The following TJAP1 variants were observed in gnomAD, a reference collection of about 807,000 sequenced individuals.
TJAP1 encodes tight junction associated protein 1.
In TJAP1, 27 loss-of-function variants were observed where a neutral mutation model predicts 42.0. The ratio of observed to expected loss-of-function variants is 0.64; its 90% CI spans 0.47 to 0.89. The LOEUF (loss-of-function observed/expected upper bound fraction) is 0.89, where lower values mean the gene tolerates loss of function less well. TJAP1 is among the 40% of genes least tolerant of loss of function. TJAP1 has a pLI of 0.00. For synonymous variants in TJAP1, 257 were observed against 288.4 expected (o/e 0.89, Z 1.10); for missense variants, 712 against 726.9 (o/e 0.98, Z 0.24).
At chr6:43,503,380 A>T (rs1157470528) in intron 8 of TJAP1, 21 bp from the exon 9 acceptor site, 2 of 1,598,578 alleles carry the variant, frequency 1.3e-6, no homozygotes, top group Non-Finnish European at 1.7e-6. Flanking sequence ...GGGCTGGGTT[A>T]ACCTCAAGTC....
At chr6:43,481,101 C>G (rs1361583431) in intron 2 of TJAP1, among the ~76,000 whole-genome samples, 1 of 152,004 alleles carries the variant, frequency 6.6e-6, no homozygotes, top group African/African-American at 2.4e-5. Context: ...AAATGTATAT[C>G]CATATTGTAG....
chr6:43,486,235 G>A (rs1397087932), intron 2 of TJAP1, among the ~76,000 whole-genome samples: 1 of 151,912 alleles, frequency 6.6e-6, no homozygotes, highest in African/African-American at 2.4e-5. Context: ...AAAGTGCAGG[G>A]ATTACAGACG....
intron 2 of TJAP1, among the ~76,000 whole-genome samples, chr6:43,487,378 A>G (rs1177259721): frequency 6.6e-6 from 1 of 152,184 alleles, no homozygotes; most frequent in Non-Finnish European, 1.5e-5. Flanking sequence ...CAGGTAGCCC[A>G]AGTAGGGAAC....
chr6:43,481,584 A>G (rs1168861264), intron 2 of TJAP1, among the ~76,000 whole-genome samples: 2 of 150,962 alleles, frequency 1.3e-5, no homozygotes, highest in East Asian at 3.9e-4. Flanking sequence ...CAAACTACAC[A>G]GAAAAAAAAA....
rs1562254398 is a variant in TJAP1 at position 43,491,900 on chromosome 6, GCTGGAGGC to G, written c.-121-5980_-121-5973del. The stretch of plus-strand genomic sequence containing the variant: ...GGGACCCCAAATGGGGAGTTAACAA[GCTGGAGGC>G]TTTCTTGACTTGGCTCTGACCAGGA... On this transcript the variant is annotated intron_variant, in intron 2 of 10. Transcript: ENST00000372449. This position sits in a 1 kb window ranked among gnomAD's most constrained non-coding sequence, Gnocchi z 4.6. Among the ~76,000 whole-genome samples the G allele has an allele frequency of 1.3e-5, 2 of 152,202 alleles. No individual in the cohort carries two copies. The highest frequency in any genetic ancestry group is 2.9e-5 in the Non-Finnish European group (2 of 68,030).
chr6:43,497,972 CA>C (rs1789591787), exon 3 of TJAP1: 1 of 152,260 alleles, frequency 6.6e-6, no homozygotes, highest in Non-Finnish European at 1.5e-5. Flanking sequence ...TGCCGACAAA[CA>C]GACGGTATGT....
chr6:43,488,028 C>G (rs1363267369), intron 2 of TJAP1, among the ~76,000 whole-genome samples: 1 of 152,118 alleles, frequency 6.6e-6, no homozygotes, highest in African/African-American at 2.4e-5. Flanking sequence ...AGCCAACACG[C>G]CCAGCTAATT....
intron 5 of TJAP1, chr6:43,501,066 G>A: frequency 2.1e-6 from 1 of 482,282 alleles, no homozygotes; most frequent in Admixed American, 3.5e-5. Context: ...TGTACCAGCT[G>A]CCACCCTTAC....
At chr6:43,501,185 G>T in intron 5 of TJAP1, 1 of 375,794 alleles carries the variant, frequency 2.7e-6, no homozygotes. Context: ...CTGGAGCTGG[G>T]GGCTTGGTGG....
chr6:43,503,825 C>T (rs1013512660), intron 10 of TJAP1, 119 bp downstream of exon 10: 2 of 875,146 alleles, frequency 2.3e-6, no homozygotes, highest in African/African-American at 3.3e-5. Flanking sequence ...CCTCCTCTTG[C>T]CTCCATGTCA....
rs563802520 is a variant in TJAP1, at chr6:43,500,803, G to C, written c.128+31G>C. ...TATCTGCTACCTGAGATACTGCCCT[G>C]CCTCAACTCTGTCCCTCTTAGCTCC... On this transcript the variant is annotated intron_variant, in intron 5 of 10. Coordinates refer to ENST00000372449, the Ensembl canonical transcript of TJAP1. 1.9e-6 allele frequency: 3 copies of C among 1,613,418 alleles called. No individual in the cohort carries two copies. The African/African-American group carries it at 4.0e-5, about 22-fold the overall frequency.
At position 43,491,816 on chromosome 6, in the gene TJAP1, T is replaced by C. The variant is rs1020593604; in HGVS notation, c.-121-6065T>C. Among the ~76,000 whole-genome samples, 10 of 152,214 alleles carry C rather than the reference T, an allele frequency of 6.6e-5. No homozygotes were observed. The highest frequency in any genetic ancestry group is 1.3e-4 in the Non-Finnish European group (9 of 68,028). On this transcript the variant is annotated intron_variant, in intron 2 of 10. Transcript: ENST00000372449. This position sits in a 1 kb window ranked among gnomAD's most constrained non-coding sequence, Gnocchi z 4.6. ...TATATATGAGTGTACTATGTACAAA[T>C]AAACATTTATAGTACTATATATTAT...
rs899766349 is a variant in TJAP1 at position 43,497,993 on chromosome 6, G to A, written c.-25+16G>A. ...CAAACAGACGGTATGTCCCTGATGAGGCCTGTGCCCTCAGCCTGGCTCTCT... is the reference window on the plus strand; with the variant it reads ...CAAACAGACGGTATGTCCCTGATGAAGCCTGTGCCCTCAGCCTGGCTCTCT... On this transcript the variant is annotated intron_variant, in intron 3 of 10. Transcript: ENST00000372449. 1 of 152,236 alleles carries A rather than the reference G, an allele frequency of 6.6e-6. No individual in the cohort carries two copies. 9.4% of individuals were successfully genotyped at this position (152,236 alleles called of 1,614,324 possible). A position where few individuals can be genotyped will look rare whatever the true frequency, so the allele number is the denominator to read the frequency against.
At chr6:43,478,117 A>C (rs1216153343) in exon 2 of TJAP1, 1 of 152,278 alleles carries the variant, frequency 6.6e-6, no homozygotes, top group African/African-American at 2.4e-5. Flanking sequence ...AGCTGTTAGC[A>C]GCATCTGCCC....
At chr6:43,489,809 T>TCTG (rs1372533515) in intron 2 of TJAP1, 2 of 152,152 alleles carry the variant, frequency 1.3e-5, no homozygotes, top group Non-Finnish European at 2.9e-5. Context: ...TGGTGGTAAG[T>TCTG]CTGCGATGCT....
rs891907898 is a variant in TJAP1 at position 43,492,398 on chromosome 6, G to A, written c.-121-5483G>A. 1.3e-5 allele frequency among the ~76,000 whole-genome samples: 2 copies of A among 152,144 alleles called. No homozygotes were observed. The highest frequency in any genetic ancestry group is 2.9e-5 in the Non-Finnish European group (2 of 68,026). ...TTGGAGGGGCAGCAGGGCTGGTCTG[G>A]GCACAGACTGACATCTTCTAGCCTT... On this transcript the variant is annotated intron_variant, in intron 2 of 10. Coordinates refer to ENST00000372449, the Ensembl canonical transcript of TJAP1. This position sits in a 1 kb window ranked among gnomAD's most constrained non-coding sequence, Gnocchi z 4.2.
intron 6 of TJAP1, 71 bp from the exon 7 acceptor site, chr6:43,502,212 C>T (rs1052778743): frequency 1.5e-4 from 222 of 1,479,310 alleles, no homozygotes; most frequent in Admixed American, 7.8e-4. Context: ...GATCCCCTAT[C>T]GGGGAGGCTG....
chr6:43,479,693 A>T (rs541278003), intron 2 of TJAP1, among the ~76,000 whole-genome samples: 118 of 152,296 alleles, frequency 7.7e-4, no homozygotes, highest in African/African-American at 2.7e-3. Flanking sequence ...AAGCACTGGC[A>T]GGGTGCAGTG....
chr6:43,501,894 CACA>C (rs1483550591), intron 6 of TJAP1, among the ~76,000 whole-genome samples: 4 of 83,182 alleles, frequency 4.8e-5, no homozygotes, highest in Non-Finnish European at 9.8e-5. Context: ...TGCGGGGCCA[CACA>C]CACACACACA....
Sources: allele counts gnomAD v4.1 joint callset (sites outside exome capture counted in the v4.1 genomes callset), GRCh38; gene constraint gnomAD v4.1.1; non-coding constraint Gnocchi (gnomAD v3.1); transcripts MANE v1.5; gene names NCBI Gene and HGNC (gene_info 2026-07-23, HGNC 2026-07-21).